The following MYOF variants were observed in gnomAD, a reference collection of about 807,000 sequenced individuals.
MYOF encodes fer-1-like 3, myoferlin.
MYOF carries 244 observed loss-of-function variants against 284.2 expected under a neutral mutation model. The observed-to-expected ratio is 0.86, with a 90% CI of 0.77 to 0.95. The LOEUF (loss-of-function observed/expected upper bound fraction) is 0.95. Ranked by LOEUF, MYOF falls within the 40% of genes least tolerant of loss-of-function variation. The pLI, the probability that MYOF is intolerant of heterozygous loss-of-function variation, is 0.00. For synonymous variants in MYOF, 904 were observed against 919.7 expected (o/e 0.98, Z 0.31); for missense variants, 2,496 against 2,560.6 (o/e 0.97, Z 0.54).
chr10:93,331,300 C>T (rs1223687790), intron 43 of MYOF, among the ~76,000 whole-genome samples: 1 of 152,110 alleles, frequency 6.6e-6, no homozygotes, highest in Non-Finnish European at 1.5e-5. Context: ...TGGACTGGAG[C>T]CATCTGGGGG....
At chr10:93,342,986 G>A (rs1843994252) in intron 38 of MYOF, among the ~76,000 whole-genome samples, 1 of 152,186 alleles carries the variant, frequency 6.6e-6, no homozygotes, top group African/African-American at 2.4e-5. Context: ...GCACAGTGCT[G>A]GCTGTGGAGA....
At chr10:93,339,618 C>T (rs1843789827) in intron 39 of MYOF, among the ~76,000 whole-genome samples, 1 of 151,876 alleles carries the variant, frequency 6.6e-6, no homozygotes, top group South Asian at 2.1e-4. Flanking sequence ...TACAAGCACT[C>T]ACCACCACGC....
At chr10:93,388,318 C>T (rs1846500800) in intron 18 of MYOF, among the ~76,000 whole-genome samples, 1 of 152,192 alleles carries the variant, frequency 6.6e-6, no homozygotes, top group African/African-American at 2.4e-5. Flanking sequence ...TGCTTTTCTC[C>T]TCTTCTCAGA....
chr10:93,417,720 T>A (rs1276606221), intron 5 of MYOF, among the ~76,000 whole-genome samples: 1 of 151,994 alleles, frequency 6.6e-6, no homozygotes, highest in African/African-American at 2.4e-5. Flanking sequence ...GGGAGGGGGA[T>A]CCCTGTTAGA....
At chr10:93,460,182 A>T (rs2056840803) in intron 1 of MYOF, among the ~76,000 whole-genome samples, 1 of 152,194 alleles carries the variant, frequency 6.6e-6, no homozygotes, top group Non-Finnish European at 1.5e-5. Context: ...GGCTCCAGGG[A>T]GGTCACAGAA....
chr10:93,369,836 A>T lies in MYOF; in HGVS notation c.2458-60T>A, dbSNP rs60304154. The T allele has an allele frequency of 0.011, 17,044 of 1,594,262 alleles. 1,407 individuals carry two copies. In the African/African-American group the frequency reaches 0.19, roughly 18 times the overall value. ...AGGCACAGCAAAGACTGTGACATTA[A>T]GTTAAAGCCAAAAACAGAGGGAACA... On this transcript the variant is annotated intron_variant, in intron 24 of 53. Coordinates refer to ENST00000359263, the MANE Select transcript of MYOF (RefSeq NM_013451.4).
chr10:93,464,075 T>G (rs2056949002), intron 1 of MYOF, among the ~76,000 whole-genome samples: 1 of 152,190 alleles, frequency 6.6e-6, no homozygotes, highest in Non-Finnish European at 1.5e-5. Context: ...CAGTTGACTT[T>G]AAGTAAAGCA....
chr10:93,414,101 C>G (rs187946135), intron 5 of MYOF, among the ~76,000 whole-genome samples: 1 of 152,208 alleles, frequency 6.6e-6, no homozygotes, highest in East Asian at 1.9e-4. Flanking sequence ...TCTGAAGCCT[C>G]GAGGGAAAAA....
At chr10:93,309,175 G>T (rs999575209) in intron 53 of MYOF, among the ~76,000 whole-genome samples, 79 of 152,238 alleles carry the variant, frequency 5.2e-4, no homozygotes, top group African/African-American at 1.8e-3. Flanking sequence ...TCTTAGCAGG[G>T]GGTGCCCACG....
Position 93,336,007 on chromosome 10 carries a change from C to T in MYOF, c.4477G>A (p.Gly1493Ser), listed in dbSNP as rs779621648. 6.2e-7 allele frequency: 1 copy of T among 1,613,994 alleles called. No homozygotes were observed. Among genetic ancestry groups the T allele is most frequent in the South Asian group, 1.1e-5 (1 of 91,046 alleles). ...AACGTATCTGAGAAGTCTGTCAGGCCCTCAAATTCTGCTACATTTTCTAGT... is the reference window on the plus strand; with the variant it reads ...AACGTATCTGAGAAGTCTGTCAGGCTCTCAAATTCTGCTACATTTTCTAGT... ...CELENVAEFE[G>S]LTDFSDTFKL... Residue 1493 changes from glycine (G) to serine (S), a missense_variant, in exon 41 of 54, where the codon GGC becomes AGC. By Grantham distance (56) the Gly-to-Ser change is moderately conservative. Around this residue, in one of 3 missense-constraint regions of MYOF, gnomAD observed 2,436 missense variants for 2,480.7 expected, o/e 0.98. Transcript: ENST00000359263.
intron 3 of MYOF, among the ~76,000 whole-genome samples, chr10:93,442,693 G>A (rs2056304984): frequency 6.6e-6 from 1 of 152,170 alleles, no homozygotes; most frequent in African/African-American, 2.4e-5. Flanking sequence ...TGTATTTGGA[G>A]GGCAGAAAGA....
intron 3 of MYOF, among the ~76,000 whole-genome samples, chr10:93,437,080 C>T (rs1395646267): frequency 6.6e-6 from 1 of 152,120 alleles, no homozygotes; most frequent in Non-Finnish European, 1.5e-5. Flanking sequence ...AGTCATGCTC[C>T]TTTGTCTTTC....
chr10:93,457,942 C>G (rs2056784512), intron 1 of MYOF, among the ~76,000 whole-genome samples: 1 of 150,974 alleles, frequency 6.6e-6, no homozygotes, highest in Non-Finnish European at 1.5e-5. Flanking sequence ...TGGGGTTTTG[C>G]CATGTTGCCC....
At chr10:93,422,727 C>T (rs375515358) in intron 5 of MYOF, among the ~76,000 whole-genome samples, 2 of 152,038 alleles carry the variant, frequency 1.3e-5, no homozygotes, top group African/African-American at 2.4e-5. Flanking sequence ...ACCTGGGACA[C>T]GGAGGGTACA....
chr10:93,441,386 A>G (rs868284252), intron 3 of MYOF, among the ~76,000 whole-genome samples: 15 of 150,586 alleles, frequency 1.0e-4, no homozygotes, highest in African/African-American at 3.7e-4. Context: ...GAGTTAGTAC[A>G]TTTCTTTTTT....
chr10:93,415,406 C>G (rs1848075796), intron 5 of MYOF, among the ~76,000 whole-genome samples: 1 of 152,218 alleles, frequency 6.6e-6, no homozygotes, highest in African/African-American at 2.4e-5. Context: ...GGCCATCTTA[C>G]CACATTTCCA....
At chr10:93,357,656 G>T (rs2133913809) in intron 29 of MYOF, among the ~76,000 whole-genome samples, 1 of 152,294 alleles carries the variant, frequency 6.6e-6, no homozygotes, top group South Asian at 2.1e-4. Context: ...TTATTGTTGG[G>T]TCTATTTTTT....
intron 19 of MYOF, among the ~76,000 whole-genome samples, chr10:93,383,134 T>C (rs1846204464): frequency 6.6e-6 from 1 of 152,176 alleles, no homozygotes; most frequent in Non-Finnish European, 1.5e-5. Flanking sequence ...TGACCTCAAG[T>C]GACCTGCCTG....
At chr10:93,473,983 C>A (rs935658196) in intron 1 of MYOF, among the ~76,000 whole-genome samples, 4 of 152,186 alleles carry the variant, frequency 2.6e-5, no homozygotes, top group Non-Finnish European at 5.9e-5. Flanking sequence ...GCTACCCCAA[C>A]CAGCCCTGCA....
Sources: allele counts gnomAD v4.1 joint callset (sites outside exome capture counted in the v4.1 genomes callset), GRCh38; gene constraint gnomAD v4.1.1; regional missense constraint gnomAD v4.1.1; transcripts MANE v1.5; gene names NCBI Gene and HGNC (gene_info 2026-07-23, HGNC 2026-07-21).